RARB: variants seen among roughly 807,000 people sequenced by gnomAD.
RARB encodes the protein retinoic acid receptor beta.
In RARB, 17 loss-of-function variants were observed where a neutral mutation model predicts 51.9. That is an observed-to-expected ratio of 0.33 (90% CI 0.22 to 0.49). The LOEUF (loss-of-function observed/expected upper bound fraction) is 0.49, where lower values mean the gene tolerates loss of function less well. RARB is among the 20% of genes least tolerant of loss of function. RARB has a pLI of 0.99. For missense variants in RARB, 369 were observed against 550.8 expected (o/e 0.67, Z 3.30); for synonymous variants, 215 against 195.4 (o/e 1.10, Z -0.84).
At chr3:25,551,944 G>A (rs1278900464) in intron 3 of RARB, among the ~76,000 whole-genome samples, 2 of 152,158 alleles carry the variant, frequency 1.3e-5, no homozygotes, top group African/African-American at 4.8e-5. Context: ...TTTGAAGTTA[G>A]TTAGCTCAAG....
intron 1 of RARB, among the ~76,000 whole-genome samples, chr3:24,845,310 T>C (rs536493242): frequency 1.3e-5 from 2 of 152,160 alleles, no homozygotes; most frequent in Non-Finnish European, 2.9e-5. Context: ...TGACGTGATA[T>C]GTAGAAAGCA....
At chr3:25,004,745 T>A (rs1276510931) in intron 2 of RARB, among the ~76,000 whole-genome samples, 1 of 152,130 alleles carries the variant, frequency 6.6e-6, no homozygotes. Context: ...TTTTCCAAAT[T>A]TTGAGATGGT....
chr3:25,350,277 G>A (rs974443488), intron 5 of RARB, among the ~76,000 whole-genome samples: 9 of 152,130 alleles, frequency 5.9e-5, no homozygotes, highest in Non-Finnish European at 8.8e-5. Context: ...AAGTCATGAT[G>A]ATGCTGGATT....
intron 2 of RARB, among the ~76,000 whole-genome samples, chr3:25,049,705 T>C (rs1698288332): frequency 6.6e-6 from 1 of 152,224 alleles, no homozygotes; most frequent in Non-Finnish European, 1.5e-5. Flanking sequence ...TTAAGGATAT[T>C]ATTTTAGCTC....
intron 5 of RARB, among the ~76,000 whole-genome samples, chr3:25,417,198 T>TAAAAA (rs35119404): frequency 7.1e-6 from 1 of 141,608 alleles, no homozygotes. Flanking sequence ...AAAAACCAAT[T>TAAAAA]AAAAAAAAAA....
intron 2 of RARB, among the ~76,000 whole-genome samples, chr3:24,936,698 AATT>A (rs749792736): frequency 2.6e-5 from 4 of 152,244 alleles, no homozygotes; most frequent in Non-Finnish European, 5.9e-5. Context: ...CCAGGCAGAA[AATT>A]ATGATTTTTG....
intron 5 of RARB, among the ~76,000 whole-genome samples, chr3:25,176,721 G>A (rs1397189067): frequency 6.6e-6 from 1 of 151,984 alleles, no homozygotes; most frequent in African/African-American, 2.4e-5. Flanking sequence ...TAAGGAAAAT[G>A]CAGAGCATAT....
At chr3:25,477,998 T>C (rs1696040125) in intron 2 of RARB, among the ~76,000 whole-genome samples, 1 of 152,198 alleles carries the variant, frequency 6.6e-6, no homozygotes, top group South Asian at 2.1e-4. Flanking sequence ...AACTGCTAAC[T>C]GGAGCATCAA....
intron 2 of RARB, among the ~76,000 whole-genome samples, chr3:24,965,029 C>A (rs1289501111): frequency 1.3e-5 from 2 of 152,118 alleles, no homozygotes; most frequent in East Asian, 3.9e-4. Context: ...AAAGATAGAA[C>A]TGGAACTAAA....
intron 5 of RARB, among the ~76,000 whole-genome samples, chr3:25,320,821 C>T (rs1373457163): frequency 1.3e-5 from 2 of 152,166 alleles, no homozygotes; most frequent in African/African-American, 4.8e-5. Context: ...TCATCGGCTC[C>T]TGCTTCCTTC....
At chr3:25,056,492 T>G (rs1012317884) in intron 2 of RARB, among the ~76,000 whole-genome samples, 4 of 152,110 alleles carry the variant, frequency 2.6e-5, no homozygotes, top group Non-Finnish European at 5.9e-5. Context: ...TACAGAAAAC[T>G]TTCTAGAATA....
chr3:25,225,438 A>G (rs1559512751), intron 5 of RARB, among the ~76,000 whole-genome samples: 1 of 152,216 alleles, frequency 6.6e-6, no homozygotes. Context: ...AATGCTTTCA[A>G]GGTGTGATAC....
At chr3:25,501,663 A>G (rs1320135175) in intron 3 of RARB, among the ~76,000 whole-genome samples, 3 of 152,176 alleles carry the variant, frequency 2.0e-5, no homozygotes, top group African/African-American at 4.8e-5. Context: ...GGGTATAAGG[A>G]TCTTCGCCTG....
chr3:25,368,256 A>G (rs1706189463), intron 5 of RARB, among the ~76,000 whole-genome samples: 1 of 152,156 alleles, frequency 6.6e-6, no homozygotes, highest in South Asian at 2.1e-4. Flanking sequence ...TTACTGCAAG[A>G]AATATGAAGG....
intron 1 of RARB, among the ~76,000 whole-genome samples, chr3:25,454,681 C>G (rs550167534): frequency 8.1e-4 from 112 of 137,826 alleles, no homozygotes; most frequent in Middle Eastern, 3.7e-3. Context: ...TTAGCTCTCA[C>G]AAAGAAAAAA....
At chr3:24,921,591 T>C (rs1695217759) in intron 2 of RARB, among the ~76,000 whole-genome samples, 1 of 152,122 alleles carries the variant, frequency 6.6e-6, no homozygotes, top group South Asian at 2.1e-4. Flanking sequence ...TTTCTTCTTT[T>C]CTGCTTCTTA....
At chr3:24,948,114 G>T (rs1427499064) in intron 2 of RARB, among the ~76,000 whole-genome samples, 1 of 152,126 alleles carries the variant, frequency 6.6e-6, no homozygotes, top group African/African-American at 2.4e-5. Flanking sequence ...CAGGGGGCCT[G>T]GGGAATTGTG....
chr3:25,207,069 GAT>G (rs1701567472), intron 5 of RARB, among the ~76,000 whole-genome samples: 1 of 152,320 alleles, frequency 6.6e-6, no homozygotes, highest in South Asian at 2.1e-4. Context: ...ATGAGGTTAA[GAT>G]AATAACTTTT....
intron 5 of RARB, among the ~76,000 whole-genome samples, chr3:25,589,164 G>T (rs1331116877): frequency 6.6e-6 from 1 of 152,238 alleles, no homozygotes; most frequent in African/African-American, 2.4e-5. Context: ...GGCTTTAGAG[G>T]AGGTGACATT....
Sources: allele counts gnomAD v4.1 joint callset (sites outside exome capture counted in the v4.1 genomes callset), GRCh38; gene constraint gnomAD v4.1.1; transcripts MANE v1.5; gene names NCBI Gene and HGNC (gene_info 2026-07-23, HGNC 2026-07-21).